The following SPTA1 variants were observed in gnomAD, a reference collection of about 807,000 sequenced individuals.
SPTA1 encodes the protein spectrin alpha, erythrocytic 1.
A neutral mutation model predicts 324.7 loss-of-function variants in SPTA1; 177 were observed. The observed-to-expected ratio is 0.55, with a 90% CI of 0.48 to 0.62. The LOEUF (loss-of-function observed/expected upper bound fraction) is 0.62. Ranked by LOEUF, SPTA1 falls within the 20% of genes least tolerant of loss-of-function variation. The probability of loss-of-function intolerance (pLI) is 0.00; values close to 1 mark genes in which losing one functional copy is unlikely to be tolerated. For missense variants in SPTA1, 3,162 were observed against 2,883.6 expected (o/e 1.10, Z -2.21); for synonymous variants, 1,195 against 1,041.3 (o/e 1.15, Z -2.84).
intron 38 of SPTA1, among the ~76,000 whole-genome samples, chr1:158,635,461 C>T (rs1046386512): frequency 4.6e-5 from 7 of 152,086 alleles, no homozygotes; most frequent in Non-Finnish European, 1.0e-4. Flanking sequence ...TCATAAATAC[C>T]CAGTCTCGGG....
chr1:158,655,967 C>G (rs1395874138), intron 20 of SPTA1, among the ~76,000 whole-genome samples: 1 of 152,136 alleles, frequency 6.6e-6, no homozygotes. Flanking sequence ...AGTAAACTAC[C>G]CATCTGTCTT....
chr1:158,652,098 C>T (rs1316880618), intron 23 of SPTA1, among the ~76,000 whole-genome samples: 1 of 152,164 alleles, frequency 6.6e-6, no homozygotes, highest in Non-Finnish European at 1.5e-5. Context: ...GTTCTTCCTT[C>T]TTCCACCCCA....
At chr1:158,674,211 T>C (rs1654239262) in intron 10 of SPTA1, 118 bp downstream of exon 10, 4 of 1,067,698 alleles carry the variant, frequency 3.7e-6, no homozygotes, top group South Asian at 2.5e-5. Flanking sequence ...ATTCATATTA[T>C]TAACACGTTT....
intron 39 of SPTA1, among the ~76,000 whole-genome samples, chr1:158,628,233 T>C (rs956223280): frequency 6.6e-6 from 1 of 152,100 alleles, no homozygotes; most frequent in African/African-American, 2.4e-5. Flanking sequence ...AAAAGAGAAG[T>C]GAGGCTGAAG....
At chr1:158,670,871 G>T (rs1381419471) in intron 12 of SPTA1, among the ~76,000 whole-genome samples, 5 of 151,980 alleles carry the variant, frequency 3.3e-5, no homozygotes, top group African/African-American at 1.2e-4. Context: ...GATATTGCTA[G>T]AGAGGAAGAA....
chr1:158,686,379 T>C (rs1571544172), intron 1 of SPTA1, 115 bp downstream of exon 1: 3 of 831,876 alleles, frequency 3.6e-6, no homozygotes, highest in Non-Finnish European at 4.0e-6. Context: ...TATCTATTTG[T>C]TAAAAGCCAA....
At chr1:158,634,433 AT>A in intron 39 of SPTA1, 109 bp downstream of exon 39, 1 of 1,469,232 alleles carries the variant, frequency 6.8e-7, no homozygotes, top group Non-Finnish European at 9.4e-7. Flanking sequence ...TATTTCCTTC[AT>A]CTTCTTTCAC....
rs1651423401 is a variant in SPTA1 at position 158,640,015 on chromosome 1, A to C, written c.4738-8T>G. 6.2e-7 allele frequency: 1 copy of C among 1,613,550 alleles called. No homozygotes were observed. Among genetic ancestry groups the C allele is most frequent in the Non-Finnish European group, 8.5e-7 (1 of 1,179,764 alleles). ...CAGCTGTTCCAGTTGCTCCTAACCC[A>C]AGGAGAGTGAGGAGTCATTACAATC... On this transcript the variant is annotated splice_polypyrimidine_tract_variant and splice_region_variant and intron_variant, in intron 33 of 51. Transcript: ENST00000643759.
At chr1:158,618,014 CATG>C (rs773477476) in intron 46 of SPTA1, 22 bp downstream of exon 46, 1 of 1,605,616 alleles carries the variant, frequency 6.2e-7, no homozygotes, top group Non-Finnish European at 8.5e-7. Flanking sequence ...ATAAAGCAAA[CATG>C]ATGATAACAT....
Position 158,611,201 on chromosome 1 carries a change from C to A in SPTA1, c.*63G>T. 6.3e-7 allele frequency: 1 copy of A among 1,599,212 alleles called. No homozygotes were observed. The highest frequency in any genetic ancestry group is 8.6e-7 in the Non-Finnish European group (1 of 1,169,398). On this transcript the variant is annotated 3_prime_UTR_variant, in exon 52 of 52. Transcript: ENST00000643759. ...TTTATCTTCCACATTTGCCTGTACT[C>A]TTTGCCCCCCAGTAAATTTCCCACG... is the stretch of plus-strand genomic sequence containing the variant.
At position 158,683,337 on chromosome 1, in the gene SPTA1, A is replaced by C. The variant is rs372175442; in HGVS notation, c.390+34T>G. On this transcript the variant is annotated intron_variant, in intron 3 of 51. Coordinates refer to ENST00000643759, the MANE Select transcript of SPTA1 (RefSeq NM_003126.4). ...TTAAAACCCTGATAACATAATCAAT[A>C]ATTGGAAACTTCTTCAAGGGCCCAT... The C allele has an allele frequency of 2.2e-5, 36 of 1,612,534 alleles. No individual in the cohort carries two copies. In the Middle Eastern group the frequency reaches 6.6e-4, roughly 30 times the overall value.
rs1034343594 is a variant in SPTA1 at position 158,617,439 on chromosome 1, C to A, written c.6600+98G>T. Reference sequence around the variant, plus strand: ...TGGTTAAAATGGACTTCAGGTGATACATACCTAAAAGTATCACCTGGGCTT... The same window carrying A: ...TGGTTAAAATGGACTTCAGGTGATAAATACCTAAAAGTATCACCTGGGCTT... On this transcript the variant is annotated intron_variant, in intron 47 of 51. Transcript: ENST00000643759. 8 of 946,396 alleles carry A rather than the reference C, an allele frequency of 8.5e-6. No individual in the cohort carries two copies. In the African/African-American group the frequency reaches 9.7e-5, roughly 11 times the overall value. 58.6% of individuals were successfully genotyped at this position (946,396 alleles called of 1,614,324 possible). A position where few individuals can be genotyped will look rare whatever the true frequency, so the allele number is the denominator to read the frequency against.
At chr1:158,656,931 T>C (rs1229652470) in intron 19 of SPTA1, among the ~76,000 whole-genome samples, 1 of 152,234 alleles carries the variant, frequency 6.6e-6, no homozygotes, top group Admixed American at 6.5e-5. Context: ...ATGCTGTTGA[T>C]ACTGTTACTT....
intron 44 of SPTA1, 71 bp downstream of exon 44, chr1:158,620,099 C>A (rs998572001): frequency 6.4e-7 from 1 of 1,570,824 alleles, no homozygotes; most frequent in African/African-American, 1.3e-5. Context: ...TGTCAAAAGT[C>A]TATTTACTTG....
intron 7 of SPTA1, among the ~76,000 whole-genome samples, 185 bp from the exon 8 acceptor site, chr1:158,676,480 T>C (rs1320670263): frequency 6.6e-6 from 1 of 152,206 alleles, no homozygotes; most frequent in Non-Finnish European, 1.5e-5. Context: ...TACTTTTCAG[T>C]CTCTCATTAT....
chr1:158,651,980 G>C (rs1383828747), intron 23 of SPTA1, among the ~76,000 whole-genome samples: 4 of 151,478 alleles, frequency 2.6e-5, no homozygotes, highest in Non-Finnish European at 5.9e-5. Flanking sequence ...AGAAAAGAAG[G>C]AATGTACACT....
chr1:158,622,948 CAG>C (rs764508124), intron 43 of SPTA1, 33 bp downstream of exon 43: 52 of 1,563,446 alleles, frequency 3.3e-5, no homozygotes, highest in African/African-American at 4.1e-5. Context: ...ATACAGGTAA[CAG>C]AGAACTGATC....
chr1:158,674,196 G>A, intron 10 of SPTA1, 133 bp downstream of exon 10: 1 of 989,214 alleles, frequency 1.0e-6, no homozygotes, highest in East Asian at 2.4e-5. Context: ...CAGTGTAAAA[G>A]TTTGATTCAT....
intron 16 of SPTA1, among the ~76,000 whole-genome samples, chr1:158,663,444 GAT>G (rs1287160753): frequency 6.6e-6 from 1 of 152,186 alleles, no homozygotes; most frequent in Admixed American, 6.5e-5. Context: ...AGCTCAGAAA[GAT>G]AAATTTAACG....
Sources: gnomAD v4.1 joint callset for allele counts (sites outside exome capture counted in the v4.1 genomes callset) on GRCh38, gnomAD v4.1.1 for gene constraint, MANE v1.5 for transcripts, NCBI Gene and HGNC (gene_info 2026-07-23, HGNC 2026-07-21) for gene names.